DIS3L2: variants seen among roughly 807,000 people sequenced by gnomAD.
DIS3L2 encodes the protein DIS3 like 3'-5' exoribonuclease 2.
Under a neutral mutation model 97.5 loss-of-function variants are expected in DIS3L2, and 34 were observed. The ratio of observed to expected loss-of-function variants is 0.35; its 90% CI spans 0.27 to 0.46. DIS3L2 has a LOEUF of 0.46. Among genes scored for constraint, DIS3L2 ranks in the 20% least tolerant of loss-of-function variants. The pLI, the probability that DIS3L2 is intolerant of heterozygous loss-of-function variation, is 1.00. For synonymous variants in DIS3L2, 435 were observed against 445.2 expected, an observed-to-expected ratio of 0.98 and a Z score of 0.29; for missense variants, 1,038 against 1,146.0, an observed-to-expected ratio of 0.91 and a Z score of 1.36.
At chr2:231,962,799 A>G (rs1020616218) in intron 1 of DIS3L2, among the ~76,000 whole-genome samples, 3 of 152,108 alleles carry the variant, frequency 2.0e-5, no homozygotes, top group South Asian at 2.1e-4. Context: ...AGTGTGCTCA[A>G]TGTTTAGCTC....
chr2:231,999,375 A>G (rs1376215880), intron 1 of DIS3L2, among the ~76,000 whole-genome samples: 1 of 152,200 alleles, frequency 6.6e-6, no homozygotes, highest in Non-Finnish European at 1.5e-5. Context: ...AGGCCCTTTC[A>G]GGAGACAAAG....
rs73995070 is a variant in DIS3L2, at chr2:232,043,505, A to G, written c.366+13425A>G. 2.1e-3 allele frequency among the ~76,000 whole-genome samples: 318 copies of G among 152,318 alleles called. 2 individuals carry two copies. Among genetic ancestry groups the G allele is most frequent in the African/African-American group, 7.1e-3 (294 of 41,568 alleles). On this transcript the variant is annotated intron_variant, in intron 5 of 20. Coordinates refer to ENST00000325385, the MANE Select transcript of DIS3L2 (RefSeq NM_152383.5). Reference sequence around the variant, plus strand: ...AGATTCATTATGTGTTGCATTCCTGACTAGCCATCTGAAAAGAGTATGACA... The same window carrying G: ...AGATTCATTATGTGTTGCATTCCTGGCTAGCCATCTGAAAAGAGTATGACA...
rs573312862 is a variant in DIS3L2, at chr2:232,325,167, G to C, written c.1740-4646G>C. Reference sequence around the variant, plus strand: ...GGTGAGAGCAGCCTTTCCCAGCATCGTCCTTTAAGATGCGACAGAAACAGG... The same window carrying C: ...GGTGAGAGCAGCCTTTCCCAGCATCCTCCTTTAAGATGCGACAGAAACAGG... On this transcript the variant is annotated intron_variant, in intron 14 of 20. Coordinates refer to ENST00000325385, the MANE Select transcript of DIS3L2 (RefSeq NM_152383.5). The surrounding 1 kb of genome is among the most constrained non-coding windows in gnomAD (Gnocchi z 4.6). 4.3e-4 allele frequency among the ~76,000 whole-genome samples: 65 copies of C among 152,194 alleles called. No individual in the cohort carries two copies. Among genetic ancestry groups the C allele is most frequent in the Non-Finnish European group, 6.8e-4 (46 of 68,028 alleles).
At chr2:232,194,861 C>T (rs1691706919) in intron 9 of DIS3L2, among the ~76,000 whole-genome samples, 1 of 152,116 alleles carries the variant, frequency 6.6e-6, no homozygotes, top group South Asian at 2.1e-4. Flanking sequence ...TGGGACTCCT[C>T]TCCTGAAGTT....
intron 12 of DIS3L2, among the ~76,000 whole-genome samples, chr2:232,255,828 C>T (rs906875868): frequency 6.6e-6 from 1 of 152,168 alleles, no homozygotes; most frequent in African/African-American, 2.4e-5. Flanking sequence ...TTACTTAGGT[C>T]AAAAACCACG....
chr2:232,030,955 C>T (rs1186403119), intron 5 of DIS3L2, among the ~76,000 whole-genome samples: 2 of 152,016 alleles, frequency 1.3e-5, no homozygotes, highest in African/African-American at 4.8e-5. Flanking sequence ...TTCAATAATA[C>T]GTGTTATAGA....
At chr2:232,271,128 A>C (rs1693998449) in intron 13 of DIS3L2, among the ~76,000 whole-genome samples, 2 of 152,322 alleles carry the variant, frequency 1.3e-5, no homozygotes, top group East Asian at 3.9e-4. Flanking sequence ...AACAGCTGAA[A>C]GAGGTGGTTG....
At chr2:232,011,570 C>T (rs1012470616) in intron 1 of DIS3L2, among the ~76,000 whole-genome samples, 3 of 152,172 alleles carry the variant, frequency 2.0e-5, no homozygotes, top group Non-Finnish European at 4.4e-5. Context: ...TCAGGCTGGT[C>T]TCGAACTCCC....
At chr2:232,255,138 C>T (rs1005010220) in intron 12 of DIS3L2, among the ~76,000 whole-genome samples, 20 of 152,168 alleles carry the variant, frequency 1.3e-4, no homozygotes, top group African/African-American at 4.6e-4. Flanking sequence ...GAACAAAGTT[C>T]GGAACCAGAT....
At chr2:232,002,973 G>C (rs958236640) in intron 1 of DIS3L2, among the ~76,000 whole-genome samples, 2 of 152,216 alleles carry the variant, frequency 1.3e-5, no homozygotes, top group African/African-American at 2.4e-5. Context: ...GTGGTGAAAT[G>C]AGTGGCCTCA....
chr2:232,318,339 T>C (rs1325853701), intron 14 of DIS3L2, among the ~76,000 whole-genome samples: 3 of 152,364 alleles, frequency 2.0e-5, no homozygotes, highest in African/African-American at 7.2e-5. Flanking sequence ...GCCCACACCC[T>C]CGTGGGTTGG....
chr2:232,253,089 G>A (rs1693461609), intron 12 of DIS3L2, among the ~76,000 whole-genome samples: 1 of 152,228 alleles, frequency 6.6e-6, no homozygotes, highest in South Asian at 2.1e-4. Flanking sequence ...ACTCAGTTAT[G>A]TAATTGCTTT....
intron 1 of DIS3L2, among the ~76,000 whole-genome samples, chr2:231,965,117 T>C (rs946253952): frequency 1.3e-5 from 2 of 152,214 alleles, no homozygotes; most frequent in Admixed American, 1.3e-4. Context: ...ATAGTGAAGT[T>C]ACTAGCTGAG....
intron 6 of DIS3L2, among the ~76,000 whole-genome samples, chr2:232,110,174 T>C (rs1022066278): frequency 2.6e-5 from 4 of 152,120 alleles, no homozygotes; most frequent in African/African-American, 9.7e-5. Flanking sequence ...ATGGTTATTA[T>C]TAAAAAGTCA....
intron 6 of DIS3L2, among the ~76,000 whole-genome samples, chr2:232,109,172 G>A (rs1385341188): frequency 6.6e-6 from 1 of 152,208 alleles, no homozygotes; most frequent in African/African-American, 2.4e-5. Context: ...CAGGGGCCAG[G>A]CGGTGGCTCA....
intron 13 of DIS3L2, among the ~76,000 whole-genome samples, chr2:232,299,392 G>A (rs1694802117): frequency 6.6e-6 from 1 of 152,130 alleles, no homozygotes; most frequent in African/African-American, 2.4e-5. Flanking sequence ...AAAAATTCCA[G>A]TGTGGCCAAG....
chr2:232,103,775 C>T (rs1327605229), intron 6 of DIS3L2, among the ~76,000 whole-genome samples: 1 of 152,186 alleles, frequency 6.6e-6, no homozygotes, highest in Non-Finnish European at 1.5e-5. Context: ...AGAACTCATA[C>T]TTGAAACATG....
Position 232,238,613 on chromosome 2 carries a change from G to A in DIS3L2, c.1285G>A (p.Glu429Lys), listed in dbSNP as rs750852437. 76 of 1,614,062 alleles carry A rather than the reference G, an allele frequency of 4.7e-5. No individual in the cohort carries two copies. In the Admixed American group the frequency reaches 1.2e-3, roughly 24 times the overall value. The change falls in exon 11 of 21, where the codon GAG becomes AAG. Residue 429 changes from glutamate to lysine, a missense_variant. Around this residue, in one of 3 missense-constraint regions of DIS3L2, gnomAD observed 813 missense variants for 880.1 expected, o/e 0.92. Coordinates refer to ENST00000325385, the MANE Select transcript of DIS3L2 (RefSeq NM_152383.5). ...EGSDLDKVAA[E>K]RATSVYLVQK... ...ATCTGATCTGGATAAAGTGGCTGCCGAGAGGGCTACAAGCGTCTACTTGGT... is the reference window on the plus strand; with the variant it reads ...ATCTGATCTGGATAAAGTGGCTGCCAAGAGGGCTACAAGCGTCTACTTGGT...
chr2:231,985,313 A>G (rs1430235288), intron 1 of DIS3L2, among the ~76,000 whole-genome samples: 1 of 152,244 alleles, frequency 6.6e-6, no homozygotes, highest in Admixed American at 6.5e-5. Flanking sequence ...AGAATGCTAT[A>G]TAAACAGAAT....
Sources: allele counts gnomAD v4.1 joint callset (sites outside exome capture counted in the v4.1 genomes callset), GRCh38; gene constraint gnomAD v4.1.1; regional missense constraint gnomAD v4.1.1; non-coding constraint Gnocchi (gnomAD v3.1); transcripts MANE v1.5; gene names NCBI Gene and HGNC (gene_info 2026-07-23, HGNC 2026-07-21).